Variants in RALGPS2 observed in about 807,000 individuals in gnomAD.
RALGPS2 encodes the protein Ral GEF with PH domain and SH3 binding motif 2.
In RALGPS2, 43 loss-of-function variants were observed where a neutral mutation model predicts 86.8. The observed-to-expected ratio is 0.50, with a 90% confidence interval of 0.39 to 0.64. RALGPS2 has a LOEUF of 0.64. Among genes scored for constraint, RALGPS2 ranks in the 30% least tolerant of loss-of-function variants. The probability of loss-of-function intolerance (pLI) is 0.00; values close to 1 mark genes in which losing one functional copy is unlikely to be tolerated. For missense variants in RALGPS2, 536 were observed against 694.6 expected, an observed-to-expected ratio of 0.77 and a Z score of 2.57; for synonymous variants, 243 against 231.3, an observed-to-expected ratio of 1.05 and a Z score of -0.46.
chr1:178,877,421 C>G, intron 8 of RALGPS2, 77 bp from the exon 9 acceptor site: 1 of 1,575,390 alleles, frequency 6.3e-7, no homozygotes, highest in East Asian at 2.3e-5. Context: ...CTATAAACAA[C>G]CCCTTCCCCC....
At chr1:178,831,540 A>C (rs1656017235) in intron 7 of RALGPS2, among the ~76,000 whole-genome samples, 1 of 152,042 alleles carries the variant, frequency 6.6e-6, no homozygotes, top group African/African-American at 2.4e-5. Flanking sequence ...TATCAATGAA[A>C]GTGTGAAGAG....
At chr1:178,827,161 C>G (rs913281652) in intron 7 of RALGPS2, among the ~76,000 whole-genome samples, 8 of 152,106 alleles carry the variant, frequency 5.3e-5, no homozygotes, top group Admixed American at 2.6e-4. Context: ...GAATAAGATA[C>G]AAATGAATGG....
intron 1 of RALGPS2, among the ~76,000 whole-genome samples, chr1:178,765,212 T>G (rs1015458853): frequency 3.3e-5 from 5 of 151,900 alleles, no homozygotes; most frequent in Middle Eastern, 3.2e-3. Flanking sequence ...TGGAGTTCAG[T>G]GGTGCAGTAT....
At chr1:178,811,251 A>G (rs1475647216) in intron 5 of RALGPS2, 64 bp from the exon 6 acceptor site, 2 of 1,329,646 alleles carry the variant, frequency 1.5e-6, no homozygotes, top group East Asian at 2.8e-5. Flanking sequence ...ATTTTTTAAA[A>G]TACAGCAAAA....
intron 4 of RALGPS2, among the ~76,000 whole-genome samples, chr1:178,793,000 C>A (rs1311806847): frequency 3.3e-5 from 5 of 152,132 alleles, no homozygotes; most frequent in African/African-American, 9.7e-5. Flanking sequence ...GCTGCTGCCC[C>A]TCCCCCTTTG....
chr1:178,763,483 G>A (rs1172954797), intron 1 of RALGPS2, among the ~76,000 whole-genome samples: 2 of 152,204 alleles, frequency 1.3e-5, no homozygotes, highest in African/African-American at 4.8e-5. Flanking sequence ...CCATGAACAT[G>A]GAATGCTTTT....
At chr1:178,896,467 C>CTT (rs754576893) in intron 16 of RALGPS2, among the ~76,000 whole-genome samples, 12 of 136,880 alleles carry the variant, frequency 8.8e-5, no homozygotes, top group Non-Finnish European at 1.4e-4. Context: ...TTTTTTTTTT[C>CTT]TTTTTTTTTT....
At chr1:178,787,537 A>T (rs924289799) in intron 4 of RALGPS2, among the ~76,000 whole-genome samples, 1 of 152,176 alleles carries the variant, frequency 6.6e-6, no homozygotes, top group Non-Finnish European at 1.5e-5. Flanking sequence ...TGGAGTAGCT[A>T]TATTTCAAGT....
In RALGPS2 at chr1:178,784,513, A is replaced by G. The variant is rs1653554062; in HGVS notation, c.153A>G (p.Glu51=). 1.3e-6 allele frequency: 2 copies of G among 1,591,260 alleles called. No homozygotes were observed. Among genetic ancestry groups the G allele is most frequent in the African/African-American group, 1.3e-5 (1 of 74,684 alleles). The change falls in exon 3 of 20, where the codon GAA becomes GAG. Residue 51 remains glutamate (E), a synonymous_variant. Coordinates refer to ENST00000367635, the MANE Select transcript of RALGPS2 (RefSeq NM_152663.5). ...VVFDVLKVTP[E]EYAGQITLMD... The stretch of plus-strand genomic sequence containing the variant: ...TCGATGTTCTTAAGGTTACACCAGA[A>G]GAATATGCGGTAAGCCTCCTACCTC...
intron 2 of RALGPS2, among the ~76,000 whole-genome samples, chr1:178,782,859 AATGCCTAGCATG>A (rs1289099155): frequency 6.6e-6 from 1 of 152,206 alleles, no homozygotes; most frequent in Non-Finnish European, 1.5e-5. Flanking sequence ...AGCACAGCAT[AATGCCTAGCATG>A]ATAAAAATAA....
intron 1 of RALGPS2, among the ~76,000 whole-genome samples, chr1:178,745,474 C>A (rs369493114): frequency 6.6e-6 from 1 of 152,182 alleles, no homozygotes; most frequent in Non-Finnish European, 1.5e-5. Context: ...TAAGCCAGTA[C>A]ATAAATGGAC....
chr1:178,762,767 G>T (rs1169079471), intron 1 of RALGPS2, among the ~76,000 whole-genome samples: 1 of 152,064 alleles, frequency 6.6e-6, no homozygotes, highest in Non-Finnish European at 1.5e-5. Context: ...CAGTTGCATA[G>T]TTTGAAAATA....
intron 8 of RALGPS2, among the ~76,000 whole-genome samples, chr1:178,837,885 C>T (rs951425566): frequency 1.3e-5 from 2 of 152,182 alleles, no homozygotes; most frequent in East Asian, 1.9e-4. Context: ...GATTAGATCC[C>T]GTGCCTGGCT....
At chr1:178,736,191 A>T (rs1410657065) in intron 1 of RALGPS2, among the ~76,000 whole-genome samples, 1 of 147,624 alleles carries the variant, frequency 6.8e-6, no homozygotes, top group Non-Finnish European at 1.5e-5. Context: ...TCTGAGACAG[A>T]GTCTCACTGT....
rs371994248 is a variant in RALGPS2, at chr1:178,853,757, T to G, written c.607+20207T>G. On this transcript the variant is annotated intron_variant, in intron 8 of 19. Transcript: ENST00000367635. ...AATCCCACTGACCGAATGCCCAGCT[T>G]CTTTTGCTTGCTGACAGTCTTTGAA... The G allele has an allele frequency of 7.7e-5, 124 of 1,602,296 alleles. No individual in the cohort carries two copies. Among genetic ancestry groups the G allele is most frequent in the Non-Finnish European group, 1.1e-4 (124 of 1,175,454 alleles).
intron 7 of RALGPS2, among the ~76,000 whole-genome samples, chr1:178,826,056 G>A (rs1655729474): frequency 6.6e-6 from 1 of 152,198 alleles, no homozygotes; most frequent in South Asian, 2.1e-4. Flanking sequence ...ATTTTGCAGA[G>A]GATGGACCAT....
intron 8 of RALGPS2, among the ~76,000 whole-genome samples, chr1:178,862,240 G>A (rs139244274): frequency 6.6e-6 from 1 of 151,952 alleles, no homozygotes; most frequent in Non-Finnish European, 1.5e-5. Flanking sequence ...CTGTAACTTA[G>A]AACAGTATAA....
At chr1:178,847,691 T>C (rs1448958490) in intron 8 of RALGPS2, among the ~76,000 whole-genome samples, 1 of 152,176 alleles carries the variant, frequency 6.6e-6, no homozygotes, top group Non-Finnish European at 1.5e-5. Flanking sequence ...TAAAATGTTT[T>C]TATGATTGTG....
intron 1 of RALGPS2, among the ~76,000 whole-genome samples, chr1:178,758,642 A>G (rs2102059846): frequency 6.6e-6 from 1 of 152,256 alleles, no homozygotes; most frequent in Non-Finnish European, 1.5e-5. Context: ...CAAATAAGTG[A>G]GAACATACAA....
Sources: gnomAD v4.1 joint callset for allele counts (sites outside exome capture counted in the v4.1 genomes callset) on GRCh38, gnomAD v4.1.1 for gene constraint, MANE v1.5 for transcripts, NCBI Gene and HGNC (gene_info 2026-07-23, HGNC 2026-07-21) for gene names.